TBCK: variants seen among roughly 807,000 people sequenced by gnomAD.
TBCK encodes TBC domain-containing protein kinase-like protein.
Under a neutral mutation model 113.4 loss-of-function variants are expected in TBCK, and 99 were observed. The ratio of observed to expected loss-of-function variants is 0.87; its 90% CI spans 0.74 to 1.03. The LOEUF is 1.03. Among genes scored for constraint, TBCK ranks in the 50% least tolerant of loss-of-function variants. TBCK has a pLI of 0.00. For synonymous variants in TBCK, 369 were observed against 370.8 expected (o/e 1.00, Z 0.05); for missense variants, 1,045 against 1,061.3 (o/e 0.98, Z 0.21).
At chr4:106,291,314 C>T (rs547812607) in intron 3 of TBCK, among the ~76,000 whole-genome samples, 1 of 152,260 alleles carries the variant, frequency 6.6e-6, no homozygotes, top group East Asian at 1.9e-4. Flanking sequence ...CCAAACATCA[C>T]TGGAGACCTT....
At chr4:106,212,927 GA>G in intron 19 of TBCK, 92 bp from the exon 20 acceptor site, 1 of 805,086 alleles carries the variant, frequency 1.2e-6, no homozygotes, top group South Asian at 1.8e-5. Flanking sequence ...CATTGAATGA[GA>G]TTTAATTTCT....
At chr4:106,260,384 C>A in intron 5 of TBCK, 53 bp downstream of exon 5, 1 of 709,064 alleles carries the variant, frequency 1.4e-6, no homozygotes, top group South Asian at 3.5e-5. Flanking sequence ...TACATGTTAT[C>A]AAAGATTACA....
rs1465764482 is a variant in TBCK at position 106,232,922 on chromosome 4, T to C, written c.1639+16A>G. 7 of 1,605,318 alleles carry C rather than the reference T, an allele frequency of 4.4e-6. No homozygotes were observed. Among genetic ancestry groups the C allele is most frequent in the East Asian group, 2.2e-5 (1 of 44,618 alleles). ...TTCTAATACTCCAGAGGAGTTTTAA[T>C]GACTACAAAAGTTACCTTGCCAATA... On this transcript the variant is annotated intron_variant, in intron 17 of 25. Transcript: ENST00000394708.
chr4:106,244,374 C>T (rs1760519132), intron 11 of TBCK, among the ~76,000 whole-genome samples: 1 of 152,048 alleles, frequency 6.6e-6, no homozygotes, highest in Non-Finnish European at 1.5e-5. Flanking sequence ...AACTTCACTT[C>T]AAGTAGGTCA....
intron 25 of TBCK, among the ~76,000 whole-genome samples, chr4:106,057,483 C>CT (rs759904755): frequency 6.6e-6 from 1 of 151,754 alleles, no homozygotes; most frequent in Non-Finnish European, 1.5e-5. Context: ...AATGAAAACT[C>CT]TTTAACATAG....
At chr4:106,316,322 G>C, upstream of TBCK, 2 of 547,142 alleles carry the variant, frequency 3.7e-6, no homozygotes. Context: ...GCCACGAAAG[G>C]ACATATAGCG....
rs571050319 is a variant in TBCK, at chr4:106,244,037, A to G, written c.1070+589T>C. On this transcript the variant is annotated intron_variant, in intron 11 of 25. Transcript: ENST00000394708. ...AGAAGCTCAAGAAATTTAGGTTCAT[A>G]TTTTTATGAATAAACATGAATAGCA... Among the ~76,000 whole-genome samples the G allele has an allele frequency of 9.9e-5, 15 of 152,278 alleles. No homozygotes were observed. In the South Asian group the frequency reaches 3.1e-3, roughly 32 times the overall value.
In TBCK at chr4:106,244,525, AT is replaced by A. The variant is rs112458178; in HGVS notation, c.1070+100del. On this transcript the variant is annotated intron_variant, in intron 11 of 25. Transcript: ENST00000394708. ...ACCAAAAAAATTTTAAAAACAACCA[AT>A]TTAAAAAAAAAAAACACCGATTTTC... The A allele has an allele frequency of 7.1e-5, 76 of 1,066,170 alleles. No homozygotes were observed. In the African/African-American group the frequency reaches 9.5e-4, roughly 13 times the overall value. 66.0% of individuals were successfully genotyped at this position (1,066,170 alleles called of 1,614,324 possible).
At chr4:106,189,665 C>A (rs1458973777) in intron 22 of TBCK, among the ~76,000 whole-genome samples, 2 of 152,056 alleles carry the variant, frequency 1.3e-5, no homozygotes, top group Non-Finnish European at 2.9e-5. Flanking sequence ...GAAAGCTCTA[C>A]AAATATTAAT....
intron 23 of TBCK, among the ~76,000 whole-genome samples, chr4:106,137,086 A>G (rs1395582922): frequency 7.1e-6 from 1 of 140,728 alleles, no homozygotes; most frequent in East Asian, 2.0e-4. Flanking sequence ...GAGATGGTAC[A>G]GTGACACTTG....
chr4:106,211,385 T>G (rs1756111346), intron 20 of TBCK, among the ~76,000 whole-genome samples: 1 of 152,114 alleles, frequency 6.6e-6, no homozygotes, highest in Admixed American at 6.6e-5. Context: ...TTTTTATTGA[T>G]TTTTTAAATT....
chr4:106,221,155 T>C (rs1757630867), intron 19 of TBCK, among the ~76,000 whole-genome samples: 1 of 152,166 alleles, frequency 6.6e-6, no homozygotes, highest in African/African-American at 2.4e-5. Context: ...CAGCTAATTT[T>C]TGTATTTTTA....
chr4:106,253,052 A>C (rs1761602632), intron 5 of TBCK, among the ~76,000 whole-genome samples: 1 of 152,076 alleles, frequency 6.6e-6, no homozygotes, highest in Admixed American at 6.5e-5. Flanking sequence ...AAGAACATAA[A>C]ATTATCACCA....
chr4:106,242,673 A>C, intron 11 of TBCK, 104 bp from the exon 12 acceptor site: 1 of 663,470 alleles, frequency 1.5e-6, no homozygotes, highest in Non-Finnish European at 2.4e-6. Context: ...ATCAAAAAAG[A>C]ATTAAACTTT....
chr4:106,118,008 C>CA (rs1006398569), intron 23 of TBCK, among the ~76,000 whole-genome samples: 1,814 of 75,968 alleles, frequency 0.024, 18 homozygotes, highest in African/African-American at 0.056. Context: ...GACTCCGTCT[C>CA]AAAAAAAAAA....
intron 25 of TBCK, among the ~76,000 whole-genome samples, chr4:106,089,286 C>T (rs1739909351): frequency 6.6e-6 from 1 of 152,202 alleles, no homozygotes; most frequent in African/African-American, 2.4e-5. Context: ...CAAGAACTCA[C>T]TTATTACCAC....
chr4:106,075,561 TTTGA>T (rs1213543254), intron 25 of TBCK, among the ~76,000 whole-genome samples: 7 of 152,228 alleles, frequency 4.6e-5, no homozygotes, highest in Non-Finnish European at 1.0e-4. Flanking sequence ...TTACTAGCAC[TTTGA>T]TTGGCAATAT....
At chr4:106,092,263 G>A (rs181336475) in intron 25 of TBCK, among the ~76,000 whole-genome samples, 1 of 152,358 alleles carries the variant, frequency 6.6e-6, no homozygotes, top group East Asian at 1.9e-4. Flanking sequence ...GCTGATTGGT[G>A]TATTTACAAT....
At position 106,295,261 on chromosome 4, in the gene TBCK, C is replaced by T. The variant is rs1766173662; in HGVS notation, c.194-95G>A. Reference sequence around the variant, plus strand: ...CCACTGATGATATTAATATATAACACCCATAACAATATTTTAAAAGAGCCT... The same window carrying T: ...CCACTGATGATATTAATATATAACATCCATAACAATATTTTAAAAGAGCCT... On this transcript the variant is annotated intron_variant, in intron 2 of 25. Coordinates refer to ENST00000394708, the MANE Select transcript of TBCK (RefSeq NM_001163435.3). 7.3e-6 allele frequency: 7 copies of T among 961,254 alleles called. No individual in the cohort carries two copies. The Admixed American group carries it at 1.4e-4, about 19-fold the overall frequency. 59.5% of individuals were successfully genotyped at this position (961,254 alleles called of 1,614,324 possible).
Sources: allele counts gnomAD v4.1 joint callset (sites outside exome capture counted in the v4.1 genomes callset), GRCh38; gene constraint gnomAD v4.1.1; transcripts MANE v1.5; gene names NCBI Gene and HGNC (gene_info 2026-07-23, HGNC 2026-07-21).